The following CSMD3 variants were observed in gnomAD, a reference collection of about 807,000 sequenced individuals.
CSMD3 encodes the protein CUB and Sushi multiple domains 3.
Under a neutral mutation model 435.2 loss-of-function variants are expected in CSMD3, and 177 were observed. The observed-to-expected ratio is 0.41, with a 90% CI of 0.36 to 0.46. The LOEUF is 0.46. Among genes scored for constraint, CSMD3 ranks in the 20% least tolerant of loss-of-function variants. The probability of loss-of-function intolerance (pLI) is 0.34; values close to 1 mark genes in which losing one functional copy is unlikely to be tolerated. For synonymous variants in CSMD3, 1,656 were observed against 1,520.5 expected (o/e 1.09, Z -2.07); for missense variants, 4,265 against 4,504.6 (o/e 0.95, Z 1.52).
intron 27 of CSMD3, among the ~76,000 whole-genome samples, chr8:112,546,724 G>T (rs1327475724): frequency 6.6e-6 from 1 of 152,190 alleles, no homozygotes; most frequent in African/African-American, 2.4e-5. Flanking sequence ...GAGAAGTGAG[G>T]ACAGCACATA....
chr8:113,146,209 C>A (rs2091669149), intron 4 of CSMD3, among the ~76,000 whole-genome samples: 1 of 151,436 alleles, frequency 6.6e-6, no homozygotes, highest in African/African-American at 2.4e-5. Flanking sequence ...TGTGTTTCCT[C>A]TTGTCAAATA....
intron 13 of CSMD3, among the ~76,000 whole-genome samples, chr8:112,715,855 C>T (rs192540864): frequency 2.6e-5 from 4 of 152,212 alleles, no homozygotes; most frequent in Admixed American, 2.6e-4. Flanking sequence ...GCAGAAAAGG[C>T]CTTTGCTAAA....
intron 1 of CSMD3, among the ~76,000 whole-genome samples, chr8:113,420,740 G>A (rs540230882): frequency 3.3e-5 from 5 of 152,104 alleles, no homozygotes; most frequent in East Asian, 3.9e-4. Context: ...CTGAGGTCAG[G>A]AGTTGAGGAC....
intron 12 of CSMD3, among the ~76,000 whole-genome samples, chr8:112,801,658 G>A (rs1289056871): frequency 6.6e-6 from 1 of 151,844 alleles, no homozygotes; most frequent in Non-Finnish European, 1.5e-5. Flanking sequence ...AAATTTTGGG[G>A]CATGTGAACT....
chr8:113,141,424 AC>A (rs766187130), intron 4 of CSMD3, among the ~76,000 whole-genome samples: 129 of 151,100 alleles, frequency 8.5e-4, no homozygotes, highest in African/African-American at 2.9e-3. Flanking sequence ...GCATACAGAT[AC>A]AAAAATTCTT....
intron 32 of CSMD3, among the ~76,000 whole-genome samples, chr8:112,460,423 C>G (rs949424740): frequency 6.6e-6 from 1 of 151,728 alleles, no homozygotes; most frequent in Non-Finnish European, 1.5e-5. Context: ...ACACTAAGAA[C>G]AGCAAACATA....
At chr8:113,123,491 C>T (rs550630056) in intron 4 of CSMD3, among the ~76,000 whole-genome samples, 1 of 152,122 alleles carries the variant, frequency 6.6e-6, no homozygotes, top group East Asian at 1.9e-4. Flanking sequence ...CATATTCTTT[C>T]TTAAGTTATT....
chr8:112,858,002 G>T (rs1004667121), intron 11 of CSMD3, among the ~76,000 whole-genome samples: 1 of 151,544 alleles, frequency 6.6e-6, no homozygotes, highest in African/African-American at 2.4e-5. Context: ...AGATAATTTG[G>T]GGCAGAGTAG....
At chr8:113,022,557 G>T (rs965915828) in intron 5 of CSMD3, among the ~76,000 whole-genome samples, 2 of 151,430 alleles carry the variant, frequency 1.3e-5, no homozygotes, top group African/African-American at 4.8e-5. Flanking sequence ...ACATGATAAA[G>T]AATTTCTAGA....
chr8:112,310,925 T>C, intron 50 of CSMD3, 53 bp downstream of exon 50: 1 of 1,434,826 alleles, frequency 7.0e-7, no homozygotes, highest in Non-Finnish European at 9.8e-7. Flanking sequence ...AAACGTTAAA[T>C]GGTGCTAATC....
chr8:112,441,682 T>G (rs936739975), intron 32 of CSMD3, among the ~76,000 whole-genome samples: 1 of 152,072 alleles, frequency 6.6e-6, no homozygotes, highest in Non-Finnish European at 1.5e-5. Flanking sequence ...AGCAAATACA[T>G]CCTTCTTCAC....
intron 2 of CSMD3, chr8:113,313,782 TAAAG>T (rs1554606632): frequency 1.3e-5 from 2 of 152,162 alleles, no homozygotes; most frequent in Non-Finnish European, 2.9e-5. Context: ...TTATGGCACT[TAAAG>T]AAAAGTATAC....
intron 1 of CSMD3, among the ~76,000 whole-genome samples, chr8:113,392,032 T>C (rs1032031212): frequency 3.3e-5 from 5 of 151,962 alleles, no homozygotes; most frequent in Admixed American, 6.6e-5. Context: ...TAGTAGAAAA[T>C]AGACTCAGAG....
At chr8:112,578,842 A>G (rs1830136372) in intron 23 of CSMD3, among the ~76,000 whole-genome samples, 1 of 152,060 alleles carries the variant, frequency 6.6e-6, no homozygotes, top group Non-Finnish European at 1.5e-5. Context: ...ATAAAATTTT[A>G]CTTACAAAAA....
At position 112,223,091 on chromosome 8, in the gene CSMD3, A is replaced by T. The variant is rs563324647; in HGVS notation, c.*1680T>A. 7.5e-6 allele frequency: 3 copies of T among 398,476 alleles called. No individual in the cohort carries two copies. The highest frequency in any genetic ancestry group is 1.3e-5 in the Non-Finnish European group (3 of 225,786). 24.7% of individuals were successfully genotyped at this position (398,476 alleles called of 1,614,324 possible). ...GCAGAAGAAACATTGTTTAAACAAG[A>T]TCTTAAATGTATTAGCCTTAACATT... On this transcript the variant is annotated 3_prime_UTR_variant, in exon 71 of 71. Transcript: ENST00000297405.
chr8:112,845,238 T>C (rs1183888828), intron 11 of CSMD3, among the ~76,000 whole-genome samples: 1 of 152,058 alleles, frequency 6.6e-6, no homozygotes, highest in Non-Finnish European at 1.5e-5. Context: ...TAAGGATGCA[T>C]GGACTCAGGA....
At chr8:112,809,250 C>T (rs2132375984) in intron 12 of CSMD3, among the ~76,000 whole-genome samples, 1 of 152,164 alleles carries the variant, frequency 6.6e-6, no homozygotes, top group Non-Finnish European at 1.5e-5. Flanking sequence ...AGAAATTTGC[C>T]ACCCTATTGA....
chr8:112,398,147 A>G (rs1492667), intron 35 of CSMD3, among the ~76,000 whole-genome samples: 2,108 of 152,302 alleles, frequency 0.014, 18 homozygotes, highest in Non-Finnish European at 0.02. Flanking sequence ...CCAAAACCTT[A>G]AAATTCAAGA....
At chr8:112,712,617 T>A (rs13278472) in intron 13 of CSMD3, among the ~76,000 whole-genome samples, 1 of 152,110 alleles carries the variant, frequency 6.6e-6, no homozygotes, top group East Asian at 1.9e-4. Context: ...TGGTTTTGAC[T>A]TTTGGGGTAT....
Sources: allele counts gnomAD v4.1 joint callset (sites outside exome capture counted in the v4.1 genomes callset), GRCh38; gene constraint gnomAD v4.1.1; transcripts MANE v1.5; gene names NCBI Gene and HGNC (gene_info 2026-07-23, HGNC 2026-07-21).